The following FGF14 variants were observed in gnomAD, a reference collection of about 807,000 sequenced individuals.
FGF14 encodes the protein fibroblast growth factor homologous factor 4.
A neutral mutation model predicts 25.5 loss-of-function variants in FGF14; 5 were observed. The ratio of observed to expected loss-of-function variants is 0.20; its 90% CI spans 0.10 to 0.41. The LOEUF (loss-of-function observed/expected upper bound fraction) is 0.41. Ranked by LOEUF, FGF14 falls within the 10% of genes least tolerant of loss-of-function variation. The pLI, the probability that FGF14 is intolerant of heterozygous loss-of-function variation, is 1.00. For missense variants in FGF14, 222 were observed against 320.1 expected, an observed-to-expected ratio of 0.69 and a Z score of 2.34; for synonymous variants, 138 against 118.3, an observed-to-expected ratio of 1.17 and a Z score of -1.08.
At chr13:102,281,687 CTTCT>C (rs1424546887) in intron 1 of FGF14, among the ~76,000 whole-genome samples, 1 of 149,714 alleles carries the variant, frequency 6.7e-6, no homozygotes, top group African/African-American at 2.5e-5. Flanking sequence ...CTGATCCTAA[CTTCT>C]TTTTTTTTTT....
chr13:101,723,931 T>C (rs1458998624), intron 4 of FGF14, among the ~76,000 whole-genome samples: 3 of 152,092 alleles, frequency 2.0e-5, no homozygotes, highest in Non-Finnish European at 4.4e-5. Flanking sequence ...CGAAGAGCCC[T>C]TAGATTTAGT....
At chr13:101,746,631 T>C (rs907453149) in intron 3 of FGF14, among the ~76,000 whole-genome samples, 8 of 151,986 alleles carry the variant, frequency 5.3e-5, no homozygotes, top group South Asian at 2.1e-4. Flanking sequence ...AAGGGCAAAC[T>C]GCATAAAGTG....
intron 3 of FGF14, among the ~76,000 whole-genome samples, chr13:101,821,095 C>A (rs1169171030): frequency 6.7e-6 from 1 of 149,204 alleles, no homozygotes; most frequent in African/African-American, 2.4e-5. Context: ...AGTACAGGCG[C>A]CCGCTACCAC....
At chr13:101,931,401 C>A (rs2034739977) in intron 1 of FGF14, among the ~76,000 whole-genome samples, 1 of 152,172 alleles carries the variant, frequency 6.6e-6, no homozygotes, top group Admixed American at 6.6e-5. Flanking sequence ...TTTGGCACTT[C>A]TTCAGAATAC....
rs549726074 is a variant in FGF14, at chr13:102,344,853, T to C, written c.208+56618A>G. Reference sequence around the variant, plus strand: ...TGAATCTACGTGGCCTAAAATATCATACAAAGGTATGGAGCAGCATTGGTG... The same window carrying C: ...TGAATCTACGTGGCCTAAAATATCACACAAAGGTATGGAGCAGCATTGGTG... On this transcript the variant is annotated intron_variant, in intron 1 of 4. Transcript: ENST00000376131. 1.9e-4 allele frequency among the ~76,000 whole-genome samples: 29 copies of C among 152,322 alleles called. No individual in the cohort carries two copies. The East Asian group carries it at 4.3e-3, about 22-fold the overall frequency.
At chr13:101,915,996 G>A (rs2033438688) in intron 1 of FGF14, among the ~76,000 whole-genome samples, 1 of 152,296 alleles carries the variant, frequency 6.6e-6, no homozygotes, top group African/African-American at 2.4e-5. Flanking sequence ...CTGGGAACCC[G>A]GGAGGTTTCT....
intron 1 of FGF14, among the ~76,000 whole-genome samples, chr13:102,015,620 T>C (rs1018963881): frequency 1.3e-5 from 2 of 152,098 alleles, no homozygotes; most frequent in Admixed American, 1.3e-4. Flanking sequence ...TTTCTGCCCA[T>C]CAAACATGGA....
chr13:102,336,479 G>GA (rs1007744814), intron 1 of FGF14, among the ~76,000 whole-genome samples: 54 of 151,760 alleles, frequency 3.6e-4, no homozygotes, highest in Non-Finnish European at 6.0e-4. Context: ...AAGGTTTAGG[G>GA]AAAAAAAAGC....
At position 101,870,967 on chromosome 13, in the gene FGF14, AATAAATAAATAC is replaced by A. The variant is rs1337521699; in HGVS notation, c.305-2151_305-2140del. 7.6e-4 allele frequency among the ~76,000 whole-genome samples: 112 copies of A among 147,470 alleles called. 1 individual carries two copies. Among genetic ancestry groups the A allele is most frequent in the African/African-American group, 2.6e-3 (108 of 40,974 alleles). ...ACTCCATCTCAAAAATAAATAAATA[AATAAATAAATAC>A]ATACATACATACATACATACATACA... On this transcript the variant is annotated intron_variant, in intron 2 of 4. Transcript: ENST00000376143.
At chr13:102,009,668 T>G (rs1175476632) in intron 1 of FGF14, among the ~76,000 whole-genome samples, 2 of 152,088 alleles carry the variant, frequency 1.3e-5, no homozygotes, top group Non-Finnish European at 2.9e-5. Flanking sequence ...CTAGTCATTA[T>G]CTTTGAAAAA....
At chr13:102,316,249 T>C (rs1233563376) in intron 1 of FGF14, among the ~76,000 whole-genome samples, 2 of 152,220 alleles carry the variant, frequency 1.3e-5, no homozygotes, top group Non-Finnish European at 2.9e-5. Flanking sequence ...TTTCATGGCA[T>C]ACTATCATGT....
intron 3 of FGF14, among the ~76,000 whole-genome samples, chr13:101,837,290 T>G: frequency 6.6e-6 from 1 of 152,080 alleles, no homozygotes; most frequent in Non-Finnish European, 1.5e-5. Context: ...TCTGTCCGAT[T>G]TGCCACTTCT....
chr13:102,195,074 T>A (rs1221964573), intron 1 of FGF14, among the ~76,000 whole-genome samples: 3 of 152,146 alleles, frequency 2.0e-5, no homozygotes, highest in African/African-American at 7.2e-5. Flanking sequence ...ATGGAAATAA[T>A]TTGTCACTTA....
intron 2 of FGF14, among the ~76,000 whole-genome samples, chr13:101,870,140 T>C (rs2044971776): frequency 6.6e-6 from 1 of 152,192 alleles, no homozygotes; most frequent in African/African-American, 2.4e-5. Context: ...TAGGGGATTA[T>C]GTTATTCTTA....
intron 1 of FGF14, among the ~76,000 whole-genome samples, chr13:102,194,238 C>T (rs566785): frequency 0.84 from 127,449 of 152,142 alleles, 53,956 homozygotes; most frequent in African/African-American, 0.96. Context: ...ATTAAATACA[C>T]ATTAAAATGT....
intron 1 of FGF14, among the ~76,000 whole-genome samples, chr13:102,084,774 G>A (rs1416172424): frequency 1.3e-5 from 2 of 152,162 alleles, no homozygotes; most frequent in Non-Finnish European, 1.5e-5. Context: ...ATGCACTGAT[G>A]GAGCAGAGCC....
chr13:101,987,838 GATC>G (rs1566538104), intron 1 of FGF14, among the ~76,000 whole-genome samples: 2 of 151,978 alleles, frequency 1.3e-5, no homozygotes, highest in African/African-American at 2.4e-5. Flanking sequence ...ATTGATCAAT[GATC>G]ATCTCCCTCC....
At chr13:102,146,260 T>C (rs944092849) in intron 1 of FGF14, among the ~76,000 whole-genome samples, 1 of 152,204 alleles carries the variant, frequency 6.6e-6, no homozygotes, top group African/African-American at 2.4e-5. Flanking sequence ...GGTAGGACCT[T>C]GAAGAAGTCA....
At position 101,713,325 on chromosome 13, in the gene FGF14, C is replaced by T. The variant is rs537993058; in HGVS notation, c.*9506G>A. ...TTTAATCACTGTGTTTTAAAAGAAGCACTAATGATTGATTCTTGCCCCTTT... is the reference window on the plus strand; with the variant it reads ...TTTAATCACTGTGTTTTAAAAGAAGTACTAATGATTGATTCTTGCCCCTTT... On this transcript the variant is annotated 3_prime_UTR_variant, in exon 5 of 5. Coordinates refer to ENST00000376143, the MANE Select transcript of FGF14 (RefSeq NM_004115.4). 1 of 152,266 alleles carries T rather than the reference C, an allele frequency of 6.6e-6. No individual in the cohort carries two copies. Among genetic ancestry groups the T allele is most frequent in the Non-Finnish European group, 1.5e-5 (1 of 68,012 alleles). 9.4% of individuals were successfully genotyped at this position (152,266 alleles called of 1,614,324 possible).
Sources: gnomAD v4.1 joint callset for allele counts (sites outside exome capture counted in the v4.1 genomes callset) on GRCh38, gnomAD v4.1.1 for gene constraint, MANE v1.5 for transcripts, NCBI Gene and HGNC (gene_info 2026-07-23, HGNC 2026-07-21) for gene names.